The following FOXP2 variants were observed in gnomAD, a reference collection of about 807,000 sequenced individuals.
FOXP2 encodes forkhead box P2.
Under a neutral mutation model 115.8 loss-of-function variants are expected in FOXP2, and 12 were observed. That is an observed-to-expected ratio of 0.10 (90% CI 0.07 to 0.17). The LOEUF is 0.17. FOXP2 is among the 10% of genes least tolerant of loss of function. The pLI is 1.00. For synonymous variants in FOXP2, 328 were observed against 297.7 expected (o/e 1.10, Z -1.05); for missense variants, 629 against 843.5 (o/e 0.75, Z 3.15).
At chr7:114,628,126 AT>A (rs1420465720) in intron 3 of FOXP2, among the ~76,000 whole-genome samples, 5 of 151,936 alleles carry the variant, frequency 3.3e-5, no homozygotes, top group African/African-American at 4.8e-5. Flanking sequence ...CATATTTCCA[AT>A]TTTTTAATCT....
chr7:114,255,851 G>A (rs1218948935), intron 1 of FOXP2, among the ~76,000 whole-genome samples: 3 of 152,094 alleles, frequency 2.0e-5, no homozygotes, highest in Non-Finnish European at 4.4e-5. Flanking sequence ...ACCTCAGTTG[G>A]AAATGCAGAA....
intron 2 of FOXP2, among the ~76,000 whole-genome samples, chr7:114,376,182 T>A (rs574174118): frequency 4.6e-5 from 7 of 152,276 alleles, no homozygotes; most frequent in Admixed American, 2.6e-4. Flanking sequence ...AGGATTCAGA[T>A]CTTAGTCACA....
intron 3 of FOXP2, among the ~76,000 whole-genome samples, chr7:114,596,531 T>C (rs1025014917): frequency 2.6e-5 from 4 of 152,176 alleles, no homozygotes; most frequent in Non-Finnish European, 2.9e-5. Flanking sequence ...TCTGACCATA[T>C]GAATAATCAT....
chr7:114,342,041 G>A (rs1159406487), intron 2 of FOXP2, among the ~76,000 whole-genome samples: 1 of 151,352 alleles, frequency 6.6e-6, no homozygotes, highest in African/African-American at 2.4e-5. Context: ...CTTTGAGGCT[G>A]TAATATTCCC....
intron 1 of FOXP2, among the ~76,000 whole-genome samples, chr7:114,110,182 T>C (rs1791232337): frequency 6.6e-6 from 1 of 152,134 alleles, no homozygotes; most frequent in African/African-American, 2.4e-5. Flanking sequence ...TAGTCGTAGT[T>C]CTAACCTCCG....
chr7:114,665,292 A>G (rs371831345), intron 16 of FOXP2: 1 of 152,132 alleles, frequency 6.6e-6, no homozygotes, highest in South Asian at 2.1e-4. Context: ...AAGTGTGTAC[A>G]CCATTTAGCT....
At chr7:114,237,317 T>C (rs944775698) in intron 1 of FOXP2, among the ~76,000 whole-genome samples, 1 of 152,174 alleles carries the variant, frequency 6.6e-6, no homozygotes, top group East Asian at 1.9e-4. Flanking sequence ...CAGAGGCTTG[T>C]TTAATATTAC....
chr7:114,308,326 C>T (rs758648931), intron 2 of FOXP2, among the ~76,000 whole-genome samples: 3 of 152,108 alleles, frequency 2.0e-5, no homozygotes, highest in African/African-American at 7.2e-5. Context: ...ATCAATCCAA[C>T]TAAAGTATAC....
At chr7:114,457,509 A>G (rs1795361390) in intron 2 of FOXP2, among the ~76,000 whole-genome samples, 1 of 152,182 alleles carries the variant, frequency 6.6e-6, no homozygotes, top group Admixed American at 6.5e-5. Flanking sequence ...TGTGAAAAAA[A>G]TTGCTGCTCA....
In FOXP2 at chr7:114,683,017, T is replaced by A. The variant is rs182908818; in HGVS notation, c.2004-6765T>A. Among the ~76,000 whole-genome samples the A allele has an allele frequency of 3.1e-3, 470 of 152,324 alleles. 4 individuals are homozygous for A. The highest frequency in any genetic ancestry group is 0.01 in the African/African-American group (429 of 41,588). On this transcript the variant is annotated intron_variant, in intron 16 of 16. Transcript: ENST00000350908. Reference sequence around the variant, plus strand: ...AGATCTTTTAAAAATTGAGCATTAATAATTATTGACTTTAGTTTGCTTTAT... The same window carrying A: ...AGATCTTTTAAAAATTGAGCATTAAAAATTATTGACTTTAGTTTGCTTTAT...
At position 114,495,380 on chromosome 7, in the gene FOXP2, T is replaced by G. The variant is rs563904161; in HGVS notation, c.169-39237T>G. On this transcript the variant is annotated intron_variant, in intron 2 of 16. Coordinates refer to ENST00000350908, the MANE Select transcript of FOXP2 (RefSeq NM_014491.4). ...TTCAATAGAATTCCAAGTATTATAG[T>G]AACTGCTGTAATGTATTTTCTCAAC... Among the ~76,000 whole-genome samples, 3 of 152,164 alleles carry G rather than the reference T, an allele frequency of 2.0e-5. No homozygotes were observed. The East Asian group carries it at 5.8e-4, about 29-fold the overall frequency.
intron 2 of FOXP2, among the ~76,000 whole-genome samples, chr7:114,304,599 T>C (rs1308603353): frequency 7.3e-6 from 1 of 137,306 alleles, no homozygotes; most frequent in Non-Finnish European, 1.5e-5. Context: ...GAACCTAGGA[T>C]ATGGAGGTTG....
intron 2 of FOXP2, among the ~76,000 whole-genome samples, chr7:114,347,461 T>A (rs1706355268): frequency 6.6e-6 from 1 of 151,988 alleles, no homozygotes; most frequent in African/African-American, 2.4e-5. Flanking sequence ...TTCCATTGAT[T>A]GATCAGTAGT....
At chr7:114,382,895 C>T (rs1487045820) in intron 2 of FOXP2, among the ~76,000 whole-genome samples, 1 of 152,146 alleles carries the variant, frequency 6.6e-6, no homozygotes, top group Non-Finnish European at 1.5e-5. Context: ...TTGAATAATT[C>T]ATAGCCTTCT....
intron 1 of FOXP2, among the ~76,000 whole-genome samples, chr7:114,091,347 A>G (rs371138003): frequency 6.6e-6 from 1 of 151,888 alleles, no homozygotes; most frequent in Non-Finnish European, 1.5e-5. Flanking sequence ...TTTAGTATTA[A>G]AATTATAAAG....
chr7:114,572,498 G>A (rs1801357496), intron 3 of FOXP2, among the ~76,000 whole-genome samples: 1 of 151,680 alleles, frequency 6.6e-6, no homozygotes, highest in African/African-American at 2.4e-5. Flanking sequence ...AGTATTCTCT[G>A]TATATTTTAA....
chr7:114,693,600 T>C lies in FOXP2; in HGVS notation c.*3674T>C. ...GAAAGGTTTTTTTGTCCATGAACAC[T>C]TGGCATATCTTACTTAGCAAAAAAG... On this transcript the variant is annotated 3_prime_UTR_variant, in exon 17 of 17. Transcript: ENST00000350908. The C allele has an allele frequency of 2.2e-6, 1 of 452,840 alleles. No individual in the cohort carries two copies. The highest frequency in any genetic ancestry group is 1.6e-5 in the South Asian group (1 of 64,132). 28.1% of individuals were successfully genotyped at this position (452,840 alleles called of 1,614,324 possible).
At chr7:114,337,811 G>T (rs1336962357) in intron 2 of FOXP2, among the ~76,000 whole-genome samples, 1 of 151,120 alleles carries the variant, frequency 6.6e-6, no homozygotes, top group African/African-American at 2.4e-5. Context: ...AATCTATTCT[G>T]CCAGCATGAG....
At chr7:114,548,917 A>G (rs1471230946) in intron 3 of FOXP2, among the ~76,000 whole-genome samples, 1 of 152,236 alleles carries the variant, frequency 6.6e-6, no homozygotes, top group Non-Finnish European at 1.5e-5. Flanking sequence ...AAACAAGTTC[A>G]GAGCAGAAAA....
Sources: gnomAD v4.1 joint callset for allele counts (sites outside exome capture counted in the v4.1 genomes callset) on GRCh38, gnomAD v4.1.1 for gene constraint, MANE v1.5 for transcripts, NCBI Gene and HGNC (gene_info 2026-07-23, HGNC 2026-07-21) for gene names.